The following CNIH3 variants were observed in gnomAD, a reference collection of about 807,000 sequenced individuals.
CNIH3 encodes protein cornichon homolog 3.
In CNIH3, 14 loss-of-function variants were observed where a neutral mutation model predicts 24.1. The ratio of observed to expected loss-of-function variants is 0.58; its 90% CI spans 0.38 to 0.91. CNIH3 has a LOEUF of 0.91. Among genes scored for constraint, CNIH3 ranks in the 40% least tolerant of loss-of-function variants. CNIH3 has a pLI of 0.00. For synonymous variants in CNIH3, 68 were observed against 73.8 expected (o/e 0.92, Z 0.40); for missense variants, 178 against 196.8 (o/e 0.90, Z 0.57).
chr1:224,558,948 G>A (rs576774744), intron 3 of CNIH3, among the ~76,000 whole-genome samples: 155 of 152,238 alleles, frequency 1.0e-3, no homozygotes, highest in Admixed American at 1.7e-3. Context: ...TCTGCATGTC[G>A]TTTTAATTAA....
In CNIH3 at chr1:224,684,895, G is replaced by A. The variant is rs765813791; in HGVS notation, c.198+52G>A. On this transcript the variant is annotated intron_variant, in intron 3 of 5. Transcript: ENST00000272133. This position sits in a 1 kb window ranked among gnomAD's most constrained non-coding sequence, Gnocchi z 4.2. ...ATGGAGGATCGCATGGTGGTGGGTG[G>A]GCACACAGTGAAAGAGGCTAGTGAG... 7.1e-6 allele frequency: 11 copies of A among 1,549,724 alleles called. No individual in the cohort carries two copies. Among genetic ancestry groups the A allele is most frequent in the South Asian group, 1.1e-5 (1 of 89,784 alleles).
chr1:224,480,931 C>T (rs1676782706), intron 1 of CNIH3, among the ~76,000 whole-genome samples: 1 of 152,190 alleles, frequency 6.6e-6, no homozygotes, highest in Non-Finnish European at 1.5e-5. Flanking sequence ...TCAGCAATGC[C>T]TCACTCTACT....
chr1:224,675,669 G>A (rs762247475), intron 1 of CNIH3, among the ~76,000 whole-genome samples: 1 of 152,112 alleles, frequency 6.6e-6, no homozygotes, highest in Non-Finnish European at 1.5e-5. Flanking sequence ...AAATGATTTG[G>A]ACACACATTT....
At chr1:224,659,713 C>G (rs537394943) in intron 1 of CNIH3, among the ~76,000 whole-genome samples, 2 of 152,296 alleles carry the variant, frequency 1.3e-5, no homozygotes, top group African/African-American at 4.8e-5. Context: ...TCAAGTTATA[C>G]TGGAAGAAAA....
Position 224,734,627 on chromosome 1 carries a change from G to T in CNIH3, c.376G>T (p.Asp126Tyr), listed in dbSNP as rs545600991. The change falls in exon 5 of 6, where the codon GAC (aspartate) becomes TAC (tyrosine). Residue 126 changes from aspartate (D) to tyrosine (Y), a missense_variant. Physicochemically the swap from Asp to Tyr is radical, Grantham distance 160. Transcript: ENST00000272133. ...CGACCCACCGGTGGTCATGAATGCC[G>T]ACACTTTGAGTTACTGTCAGAAGGA... ...AYDPPVVMNADTLSYCQKEAW... is the reference protein window; with the variant it reads ...AYDPPVVMNAYTLSYCQKEAW... The T allele has an allele frequency of 1.2e-6, 2 of 1,614,110 alleles. No individual in the cohort carries two copies. Among genetic ancestry groups the T allele is most frequent in the Non-Finnish European group, 1.7e-6 (2 of 1,180,006 alleles).
rs16850250 is a variant in CNIH3 at position 224,616,947 on chromosome 1, G to A, written c.-228G>A. ...TTCCCTCCAGCGACTCTCGACACAC[G>A]TTTTCCTGTCTTCGCCGGAGGGCCG... On this transcript the variant is annotated 5_prime_UTR_variant, in exon 1 of 6. Coordinates refer to ENST00000272133, the MANE Select transcript of CNIH3 (RefSeq NM_152495.2). The A allele has an allele frequency of 0.051, 70,624 of 1,382,848 alleles. 2,196 individuals carry two copies. The highest frequency in any genetic ancestry group is 0.14 in the East Asian group (5,247 of 37,526). 85.7% of individuals were successfully genotyped at this position (1,382,848 alleles called of 1,614,324 possible).
intron 4 of CNIH3, among the ~76,000 whole-genome samples, chr1:224,572,365 A>C (rs1273323590): frequency 6.6e-6 from 1 of 151,890 alleles, no homozygotes; most frequent in Non-Finnish European, 1.5e-5. Flanking sequence ...AAAATACAAA[A>C]CTTATCTGGG....
At chr1:224,617,852 A>G (rs1038504946) in intron 1 of CNIH3, among the ~76,000 whole-genome samples, 2 of 152,298 alleles carry the variant, frequency 1.3e-5, no homozygotes, top group South Asian at 4.1e-4. Flanking sequence ...AAGGGCAGGC[A>G]TCATTAAGGC....
At chr1:224,734,472 G>C in intron 4 of CNIH3, 91 bp from the exon 5 acceptor site, 1 of 1,343,300 alleles carries the variant, frequency 7.4e-7, no homozygotes, top group Non-Finnish European at 1.0e-6. Context: ...GGCAGGGATT[G>C]CTCGACAGAA....
At chr1:224,533,256 A>T (rs1006123585) in intron 2 of CNIH3, among the ~76,000 whole-genome samples, 2 of 150,608 alleles carry the variant, frequency 1.3e-5, no homozygotes, top group African/African-American at 5.0e-5. Context: ...AAAAAAAAAA[A>T]ATAAAATAAA....
intron 1 of CNIH3, among the ~76,000 whole-genome samples, chr1:224,629,869 G>C (rs991885678): frequency 1.3e-5 from 2 of 151,928 alleles, no homozygotes; most frequent in Non-Finnish European, 2.9e-5. Flanking sequence ...TTAAGTATCT[G>C]GTCTGTTTTA....
chr1:224,488,849 C>G (rs1311653030), intron 1 of CNIH3, among the ~76,000 whole-genome samples: 1 of 152,044 alleles, frequency 6.6e-6, no homozygotes. Flanking sequence ...TTTCTATTTA[C>G]CTGCTGACAA....
intron 5 of CNIH3, among the ~76,000 whole-genome samples, chr1:224,737,374 A>G (rs924359160): frequency 6.6e-6 from 1 of 152,110 alleles, no homozygotes; most frequent in Non-Finnish European, 1.5e-5. Flanking sequence ...ACATGTGTTA[A>G]TCACTCTGTT....
At chr1:224,500,878 G>A (rs1558111110) in intron 1 of CNIH3, among the ~76,000 whole-genome samples, 2 of 152,114 alleles carry the variant, frequency 1.3e-5, no homozygotes. Context: ...GGACAATGAG[G>A]CTGCTAGGAT....
At chr1:224,437,350 G>A (rs898369344) in intron 1 of CNIH3, among the ~76,000 whole-genome samples, 2 of 152,152 alleles carry the variant, frequency 1.3e-5, no homozygotes, top group Non-Finnish European at 2.9e-5. Context: ...TCTTGTGTTA[G>A]GTTCCAAATA....
chr1:224,450,010 A>G (rs1052320764), intron 1 of CNIH3, among the ~76,000 whole-genome samples: 1 of 151,956 alleles, frequency 6.6e-6, no homozygotes, highest in African/African-American at 2.4e-5. Context: ...ACACGCACAC[A>G]CACACACACA....
intron 2 of CNIH3, among the ~76,000 whole-genome samples, chr1:224,530,985 G>A (rs1679045437): frequency 6.6e-6 from 1 of 152,064 alleles, no homozygotes; most frequent in African/African-American, 2.4e-5. Flanking sequence ...ATAAAATAAA[G>A]CTTTTCCTGG....
chr1:224,637,851 G>A (rs943907605), intron 1 of CNIH3, among the ~76,000 whole-genome samples: 1 of 152,152 alleles, frequency 6.6e-6, no homozygotes, highest in Non-Finnish European at 1.5e-5. Flanking sequence ...AACATCATCT[G>A]TCTGCACCCC....
rs1225734007 is a variant in CNIH3, at chr1:224,458,352, T to G, written n.203+23490T>G. Among the ~76,000 whole-genome samples the G allele has an allele frequency of 6.6e-6, 1 of 152,206 alleles. No homozygotes were observed. The highest frequency in any genetic ancestry group is 6.5e-5 in the Admixed American group (1 of 15,282). ...GGGGCAGGCTGCCCACTTACCAAAGTTATGCTTAGCAGAGGGGCTCTGGCT... is the reference window on the plus strand; with the variant it reads ...GGGGCAGGCTGCCCACTTACCAAAGGTATGCTTAGCAGAGGGGCTCTGGCT... On this transcript the variant is annotated intron_variant and non_coding_transcript_variant, in intron 1 of 5. Transcript: ENST00000471578. This position sits in a 1 kb window ranked among gnomAD's most constrained non-coding sequence, Gnocchi z 4.3.
Sources: gnomAD v4.1 joint callset for allele counts (sites outside exome capture counted in the v4.1 genomes callset) on GRCh38, gnomAD v4.1.1 for gene constraint, Gnocchi (gnomAD v3.1) non-coding constraint, MANE v1.5 for transcripts, NCBI Gene and HGNC (gene_info 2026-07-23, HGNC 2026-07-21) for gene names.